The following NFIC variants were observed in gnomAD, a reference collection of about 807,000 sequenced individuals.
The protein encoded by NFIC is nuclear factor I C.
Under a neutral mutation model 54.4 loss-of-function variants are expected in NFIC, and 12 were observed. The observed-to-expected ratio is 0.22, with a 90% CI of 0.14 to 0.36. NFIC has a LOEUF of 0.36. Among genes scored for constraint, NFIC ranks in the 10% least tolerant of loss-of-function variants. The probability of loss-of-function intolerance (pLI) is 1.00; values close to 1 mark genes in which losing one functional copy is unlikely to be tolerated. For missense variants in NFIC, 575 were observed against 718.2 expected (o/e 0.80, Z 2.28); for synonymous variants, 322 against 319.2 (o/e 1.01, Z -0.09).
At chr19:3,460,126 G>C (rs963384350) in intron 10 of NFIC, among the ~76,000 whole-genome samples, 4 of 152,194 alleles carry the variant, frequency 2.6e-5, no homozygotes, top group Non-Finnish European at 2.9e-5. Flanking sequence ...CCTTAGCCTC[G>C]GTCTCCCGCC....
chr19:3,433,548 C>T lies in NFIC; in HGVS notation c.665C>T (p.Thr222Ile). 1.2e-6 allele frequency: 2 copies of T among 1,614,022 alleles called. No homozygotes were observed. The highest frequency in any genetic ancestry group is 1.7e-6 in the Non-Finnish European group (2 of 1,179,912). ...DTTDFQESFV[T>I]SGVFSVTELI... ...ACCGACTTCCAGGAGAGCTTTGTCA[C>T]CTCCGGCGTGTTCAGCGTCACTGAG... The change falls in exon 4 of 11, where the codon ACC becomes ATC. Residue 222 changes from threonine to isoleucine, a missense_variant. By Grantham distance (89) the Thr-to-Ile change is moderately conservative. This residue lies in a region of NFIC where 447 missense variants were observed against 526.9 expected (regional missense o/e 0.85). Transcript: ENST00000443272.
chr19:3,461,714 C>A (rs1427124715), intron 10 of NFIC, among the ~76,000 whole-genome samples: 2 of 151,816 alleles, frequency 1.3e-5, no homozygotes, highest in South Asian at 4.2e-4. Flanking sequence ...CAGAGCAAGA[C>A]TCTGTCTCAT....
Position 3,367,472 on chromosome 19 carries a change from T to TCCCCTC in NFIC, c.30+827_30+832dup, listed in dbSNP as rs374650173. 2.0e-3 allele frequency among the ~76,000 whole-genome samples: 309 copies of TCCCCTC among 151,190 alleles called. 4 individuals are homozygous for TCCCCTC. In the East Asian group the frequency reaches 0.032, roughly 16 times the overall value. On this transcript the variant is annotated intron_variant, in intron 1 of 10. Coordinates refer to ENST00000443272, the MANE Select transcript of NFIC (RefSeq NM_001245002.2). ...CCTCGCCAGCCCGGCACCTGCCCCGTCCCCTCCCCCTCCCCCTCCCCCTCC... is the reference window on the plus strand; with the variant it reads ...CCTCGCCAGCCCGGCACCTGCCCCGTCCCCTCCCCCTCCCCCTCCCCCTCCCCCTCC...
At chr19:3,444,153 C>T (rs1360750102) in intron 6 of NFIC, among the ~76,000 whole-genome samples, 4 of 124,112 alleles carry the variant, frequency 3.2e-5, no homozygotes, top group South Asian at 2.5e-4. Context: ...GCTGCTCCGA[C>T]GGGGTGATGA....
chr19:3,370,051 GT>G lies in NFIC; in HGVS notation c.30+3386del, dbSNP rs1196962639. On this transcript the variant is annotated intron_variant, in intron 1 of 10. Transcript: ENST00000443272. The surrounding 1 kb of genome is among the most constrained non-coding windows in gnomAD (Gnocchi z 5.2). Reference sequence around the variant, plus strand: ...AGCATCTCCTGGGCCCTGGGGATAGGTGGGGGTGGGGGAGGCAGCAGGGCCC... The same window carrying G: ...AGCATCTCCTGGGCCCTGGGGATAGGGGGGGTGGGGGAGGCAGCAGGGCCC... Among the ~76,000 whole-genome samples the G allele has an allele frequency of 6.6e-6, 1 of 152,138 alleles. No individual in the cohort carries two copies. Among genetic ancestry groups the G allele is most frequent in the Non-Finnish European group, 1.5e-5 (1 of 67,996 alleles).
chr19:3,456,456 G>A, intron 9 of NFIC, 94 bp from the exon 10 acceptor site: 1 of 1,227,374 alleles, frequency 8.1e-7, no homozygotes, highest in South Asian at 1.3e-5. Context: ...CCGGCTGTGT[G>A]ACGCCTGGCG....
chr19:3,406,447 C>T (rs143730626), intron 2 of NFIC, among the ~76,000 whole-genome samples: 11 of 151,002 alleles, frequency 7.3e-5, no homozygotes, highest in African/African-American at 2.7e-4. Flanking sequence ...AAGCTGGTCT[C>T]GAACTTCTGA....
chr19:3,382,502 A>G (rs1334389321), intron 2 of NFIC, among the ~76,000 whole-genome samples: 1 of 151,800 alleles, frequency 6.6e-6, no homozygotes, highest in Non-Finnish European at 1.5e-5. Flanking sequence ...AAAGTAGGTG[A>G]TATGGCACAA....
Position 3,382,157 on chromosome 19 carries a change from A to T in NFIC, c.476A>T (p.His159Leu). The T allele has an allele frequency of 6.2e-7, 1 of 1,613,080 alleles. No individual in the cohort carries two copies. Among genetic ancestry groups the T allele is most frequent in the Non-Finnish European group, 8.5e-7 (1 of 1,179,952 alleles). Reference sequence around the variant, plus strand: ...CTGGTCAAGGCTGCGCAGTGCGGTCACCCGGTCCTGTGCGTGCAGCCGCAC... The same window carrying T: ...CTGGTCAAGGCTGCGCAGTGCGGTCTCCCGGTCCTGTGCGTGCAGCCGCAC... ...ERLVKAAQCG[H>L]PVLCVQPHHI... The change falls in exon 2 of 11, where the codon CAC (histidine) becomes CTC (leucine). Residue 159 changes from histidine to leucine, a missense_variant. Coordinates refer to ENST00000443272, the MANE Select transcript of NFIC (RefSeq NM_001245002.2).
chr19:3,412,708 C>T (rs569936615), intron 2 of NFIC, among the ~76,000 whole-genome samples: 15 of 152,200 alleles, frequency 9.9e-5, no homozygotes, highest in Non-Finnish European at 1.9e-4. Context: ...TTAAACAATA[C>T]CTAGGACAGA....
At chr19:3,455,432 A>G (rs1034173956) in intron 9 of NFIC, among the ~76,000 whole-genome samples, 3 of 148,680 alleles carry the variant, frequency 2.0e-5, no homozygotes, top group Non-Finnish European at 4.4e-5. Context: ...CACTTAATAG[A>G]TGCAGGATAC....
rs772511068 is a variant in NFIC at position 3,452,504 on chromosome 19, G to A, written c.1107G>A (p.Pro369=). ...VHSGIARSPH[P]SSALHFPTTS... ...CAGGGATCGCCCGGAGCCCACACCC[G>A]TCCTCCGCTCTGCATTTCCCTACGA... Residue 369 remains proline, a synonymous_variant, in exon 8 of 11, where the codon CCG becomes CCA. Transcript: ENST00000443272. This position sits in a 1 kb window ranked among gnomAD's most constrained non-coding sequence, Gnocchi z 5.3. 4.3e-5 allele frequency: 70 copies of A among 1,612,266 alleles called. No homozygotes were observed. The highest frequency in any genetic ancestry group is 3.3e-4 in the Middle Eastern group (2 of 6,080).
intron 5 of NFIC, 91 bp downstream of exon 5, chr19:3,434,491 G>T (rs1004040996): frequency 6.9e-7 from 1 of 1,455,110 alleles, no homozygotes; most frequent in East Asian, 2.5e-5. Flanking sequence ...CCTCTCCCTG[G>T]AATACCTCTT....
At chr19:3,455,849 A>G (rs1275768185) in intron 9 of NFIC, among the ~76,000 whole-genome samples, 1 of 152,018 alleles carries the variant, frequency 6.6e-6, no homozygotes, top group African/African-American at 2.4e-5. Flanking sequence ...CATGGATTCC[A>G]CCCCCCTTTC....
intron 1 of NFIC, among the ~76,000 whole-genome samples, chr19:3,380,088 C>T (rs1016913927): frequency 7.9e-5 from 12 of 151,604 alleles, no homozygotes; most frequent in Admixed American, 5.3e-4. Flanking sequence ...GCAAGCTCCG[C>T]CTCCCGGGTT....
chr19:3,461,989 G>A (rs145778773), intron 10 of NFIC, among the ~76,000 whole-genome samples: 3,637 of 152,002 alleles, frequency 0.024, 143 homozygotes, highest in African/African-American at 0.081. Flanking sequence ...GGGAGGCAGA[G>A]GTTGCAATGA....
rs765772346 is a variant in NFIC, at chr19:3,448,995, C to T, written c.959-19C>T. ...GGGTGTGACCAGCCTGTGACTCTCT[C>T]GTCCCATCCCCTCCACAGGCATCTC... is the stretch of plus-strand genomic sequence containing the variant. On this transcript the variant is annotated intron_variant, in intron 6 of 10. Coordinates refer to ENST00000443272, the MANE Select transcript of NFIC (RefSeq NM_001245002.2). 41 of 1,607,498 alleles carry T rather than the reference C, an allele frequency of 2.6e-5. No homozygotes were observed. In the Admixed American group the frequency reaches 3.2e-4, roughly 13 times the overall value.
At position 3,463,278 on chromosome 19, in the gene NFIC, G is replaced by A. The variant is rs913529787; in HGVS notation, c.*509G>A. 2.6e-5 allele frequency: 26 copies of A among 989,618 alleles called. No individual in the cohort carries two copies. Among genetic ancestry groups the A allele is most frequent in the Non-Finnish European group, 3.0e-5 (25 of 833,224 alleles). The allele number at this position is 989,618 out of a possible 1,614,324, so 61.3% of individuals were successfully genotyped here. Reference sequence around the variant, plus strand: ...CAAGGCCACCTCTCCCCGGGCCCCCGCGCCTCTGCCGGACACGGACCGGCC... The same window carrying A: ...CAAGGCCACCTCTCCCCGGGCCCCCACGCCTCTGCCGGACACGGACCGGCC... On this transcript the variant is annotated 3_prime_UTR_variant, in exon 11 of 11. Transcript: ENST00000443272.
At position 3,463,742 on chromosome 19, in the gene NFIC, G is replaced by T; in HGVS notation, c.*973G>T. ...TGCACTTTCCGAGGAAGGGGATGGG[G>T]GAGCCCGGACACCCAGAGCTCCCCG... On this transcript the variant is annotated 3_prime_UTR_variant, in exon 11 of 11. Coordinates refer to ENST00000443272, the MANE Select transcript of NFIC (RefSeq NM_001245002.2). 1 of 985,384 alleles carries T rather than the reference G, an allele frequency of 1.0e-6. No individual in the cohort carries two copies. The highest frequency in any genetic ancestry group is 1.2e-6 in the Non-Finnish European group (1 of 830,002). 61.0% of individuals were successfully genotyped at this position (985,384 alleles called of 1,614,324 possible).
Sources: gnomAD v4.1 joint callset for allele counts (sites outside exome capture counted in the v4.1 genomes callset) on GRCh38, gnomAD v4.1.1 for gene constraint, gnomAD v4.1.1 regional missense constraint, Gnocchi (gnomAD v3.1) non-coding constraint, MANE v1.5 for transcripts, NCBI Gene and HGNC (gene_info 2026-07-23, HGNC 2026-07-21) for gene names.